The following TNXB variants were observed in gnomAD, a reference collection of about 807,000 sequenced individuals.
TNXB encodes the protein tenascin XB.
TNXB carries 183 observed loss-of-function variants against 340.5 expected under a neutral mutation model. That is an observed-to-expected ratio of 0.54 (90% CI 0.48 to 0.61). TNXB has a LOEUF of 0.61. Ranked by LOEUF, TNXB falls within the 20% of genes least tolerant of loss-of-function variation. TNXB has a pLI of 0.00. For missense variants in TNXB, 4,613 were observed against 5,446.4 expected (o/e 0.85, Z 4.82); for synonymous variants, 2,121 against 2,314.5 (o/e 0.92, Z 2.40).
intron 25 of TNXB, 22 bp downstream of exon 25, chr6:32,053,365 TG>T (rs1309388340): frequency 6.2e-7 from 1 of 1,606,912 alleles, no homozygotes; most frequent in African/African-American, 1.3e-5. Flanking sequence ...GGCCCCACTC[TG>T]GGGCTCCCAT....
chr6:32,076,131 C>G (rs775500470), intron 11 of TNXB, among the ~76,000 whole-genome samples: 9 of 152,182 alleles, frequency 5.9e-5, no homozygotes, highest in Non-Finnish European at 1.3e-4. Flanking sequence ...CCTGCAGCAC[C>G]CATTCCCTGC....
rs1427828075 is a variant in TNXB at position 32,081,755 on chromosome 6, T to C, written c.3737-82A>G. On this transcript the variant is annotated intron_variant, in intron 9 of 43. Transcript: ENST00000644971. This position sits in a 1 kb window ranked among gnomAD's most constrained non-coding sequence, Gnocchi z 5.1. Reference sequence around the variant, plus strand: ...GGGTTTCGACGGGATGTCACACCTATGGGGGGTGGGGGGTCACTAGTCCAT... The same window carrying C: ...GGGTTTCGACGGGATGTCACACCTACGGGGGGTGGGGGGTCACTAGTCCAT... The C allele has an allele frequency of 1.4e-5, 6 of 443,144 alleles. No individual in the cohort carries two copies. The highest frequency in any genetic ancestry group is 2.4e-5 in the African/African-American group (1 of 41,224). The allele number at this position is 443,144 out of a possible 1,614,324, so 27.5% of individuals were successfully genotyped here.
In TNXB at chr6:32,080,127, G is replaced by A. The variant is rs532311900; in HGVS notation, c.4043-762C>T. 4.6e-5 allele frequency among the ~76,000 whole-genome samples: 7 copies of A among 152,338 alleles called. No individual in the cohort carries two copies. The highest frequency in any genetic ancestry group is 1.7e-4 in the African/African-American group (7 of 41,582). On this transcript the variant is annotated intron_variant, in intron 10 of 43. Coordinates refer to ENST00000644971, the MANE Select transcript of TNXB (RefSeq NM_001365276.2). The surrounding 1 kb of genome is among the most constrained non-coding windows in gnomAD (Gnocchi z 4.3). ...CAAAAAAGATTACTGGGAAGTGAGAGAGTCAGGGAGAAATTGCAGCTCACT... is the reference window on the plus strand; with the variant it reads ...CAAAAAAGATTACTGGGAAGTGAGAAAGTCAGGGAGAAATTGCAGCTCACT...
intron 22 of TNXB, among the ~76,000 whole-genome samples, chr6:32,057,395 C>T (rs1333766849): frequency 6.6e-6 from 1 of 152,186 alleles, no homozygotes; most frequent in African/African-American, 2.4e-5. Flanking sequence ...CCTCCAGTCC[C>T]CGATCCTAGT....
intron 13 of TNXB, among the ~76,000 whole-genome samples, chr6:32,071,354 A>G (rs1429008252): frequency 6.6e-6 from 1 of 152,098 alleles, no homozygotes; most frequent in African/African-American, 2.4e-5. Context: ...AAAGACTCTC[A>G]GGAGGTGATG....
chr6:32,043,466 G>A lies in TNXB; in HGVS notation c.11621C>T (p.Thr3874Ile), dbSNP rs1213435499. Residue 3874 changes from threonine (T) to isoleucine (I), a missense_variant, in exon 36 of 44, where the codon ACC becomes ATC. This residue lies in a region of TNXB where 114 missense variants were observed against 104.5 expected (regional missense o/e 1.09). Transcript: ENST00000644971. Reference sequence around the variant, plus strand: ...AGGGGCTGTGACCTGGACGTCATAGGTGTCCACAGGATTCTGGGGGGGCTT... The same window carrying A: ...AGGGGCTGTGACCTGGACGTCATAGATGTCCACAGGATTCTGGGGGGGCTT... ...HWKPPQNPVD[T>I]YDVQVTAPGA... The A allele has an allele frequency of 3.4e-6, 2 of 594,650 alleles. No individual in the cohort carries two copies. The highest frequency in any genetic ancestry group is 2.9e-5 in the East Asian group (1 of 34,648). The allele number at this position is 594,650 out of a possible 1,614,324, so 36.8% of individuals were successfully genotyped here. A position where few individuals can be genotyped will look rare whatever the true frequency, so the allele number is the denominator to read the frequency against.
intron 40 of TNXB, 21 bp from the exon 41 acceptor site, chr6:32,042,383 C>T (rs764265109): frequency 6.3e-7 from 1 of 1,594,380 alleles, no homozygotes; most frequent in Admixed American, 1.7e-5. Flanking sequence ...AGTGGGGGCA[C>T]CATCAGCCTC....
chr6:32,093,049 T>C lies in TNXB; in HGVS notation c.2358+2027A>G, dbSNP rs556164520. 2.4e-4 allele frequency among the ~76,000 whole-genome samples: 37 copies of C among 152,364 alleles called. 1 individual carries two copies. In the South Asian group the frequency reaches 5.0e-3, roughly 20 times the overall value. ...GACAACACCAAGGATCGGTTTGTAT[T>C]TATTTACTCAGAGCAGGAGACAACT... On this transcript the variant is annotated intron_variant, in intron 4 of 43. Transcript: ENST00000644971.
chr6:32,046,312 G>A lies in TNXB; in HGVS notation c.10469C>T (p.Pro3490Leu), dbSNP rs1482339466. 3 of 1,606,548 alleles carry A rather than the reference G, an allele frequency of 1.9e-6. No homozygotes were observed. Among genetic ancestry groups the A allele is most frequent in the Non-Finnish European group, 2.5e-6 (3 of 1,178,136 alleles). ...VVQYRDTDGQ[P>L]RAVPVAADQR... The stretch of plus-strand genomic sequence containing the variant: ...GTCTGCGGCCACAGGCACTGCCCTG[G>A]GCTGCCCGTCCGTGTCCCTGTACTG... The change falls in exon 31 of 44, where the codon CCC becomes CTC. Residue 3490 changes from proline to leucine, a missense_variant. Pro to Leu is a moderately conservative substitution (Grantham distance 98, BLOSUM62 -3). Coordinates refer to ENST00000644971, the MANE Select transcript of TNXB (RefSeq NM_001365276.2). The surrounding 1 kb of genome is among the most constrained non-coding windows in gnomAD (Gnocchi z 6.9).
rs891264794 is a variant in TNXB at position 32,073,591 on chromosome 6, G to T, written c.4681+56C>A. On this transcript the variant is annotated intron_variant, in intron 12 of 43. Transcript: ENST00000644971. This position sits in a 1 kb window ranked among gnomAD's most constrained non-coding sequence, Gnocchi z 4.6. ...AAGGCAGGGCTGGAAGAAGGGCCAT[G>T]GGGTGGGGGAGCTCTGGGTAACCAG... 1.3e-6 allele frequency: 2 copies of T among 1,508,032 alleles called. No homozygotes were observed. The highest frequency in any genetic ancestry group is 1.8e-5 in the Admixed American group (1 of 55,424). The allele number at this position is 1,508,032 out of a possible 1,614,324, so 93.4% of individuals were successfully genotyped here. A position where few individuals can be genotyped will look rare whatever the true frequency, so the allele number is the denominator to read the frequency against.
Position 32,098,125 on chromosome 6 carries a change from G to A in TNXB, c.74C>T (p.Pro25Leu). 1 of 1,593,936 alleles carries A rather than the reference G, an allele frequency of 6.3e-7. No individual in the cohort carries two copies. The highest frequency in any genetic ancestry group is 1.1e-5 in the South Asian group (1 of 89,040). The change falls in exon 2 of 44, where the codon CCC (proline) becomes CTC (leucine). Residue 25 changes from proline to leucine, a missense_variant. Pro to Leu is a moderately conservative substitution (Grantham distance 98). Transcript: ENST00000644971. ...LVLLSTARAG[P>L]FSSRSNVTLP... ...TGTCACATTGGACCGTGAAGAGAAG[G>A]GGCCTGCTCTGGCTGTGCTCAGCAG...
At chr6:32,057,939 G>T in intron 22 of TNXB, 119 bp downstream of exon 22, 1 of 1,217,240 alleles carries the variant, frequency 8.2e-7, no homozygotes, top group Non-Finnish European at 1.1e-6. Context: ...TTTCCATAAT[G>T]TTGCTATATT....
intron 21 of TNXB, among the ~76,000 whole-genome samples, chr6:32,059,247 G>A (rs1562809823): frequency 6.6e-6 from 1 of 150,842 alleles, no homozygotes; most frequent in Non-Finnish European, 1.5e-5. Flanking sequence ...CATGAAACCC[G>A]GTCTCTACTG....
In TNXB at chr6:32,085,768, T is replaced by C. The variant is rs770609906; in HGVS notation, c.3130A>G (p.Ile1044Val). ...GATGTACCCATAATGCCTTGGTAGA[T>C]GATGGGGTCAGAGGGCTTGCCCCCA... The part of the protein sequence containing the change: ...PPGGKPSDPI[I>V]YQGIMDKDEE... Residue 1044 changes from isoleucine to valine, a missense_variant, in exon 7 of 44, where the codon ATC (isoleucine) becomes GTC (valine). Transcript: ENST00000644971. The surrounding 1 kb of genome is among the most constrained non-coding windows in gnomAD (Gnocchi z 6.4). 1.3e-6 allele frequency: 2 copies of C among 1,551,544 alleles called. No homozygotes were observed. The highest frequency in any genetic ancestry group is 1.7e-6 in the Non-Finnish European group (2 of 1,147,932).
Position 32,061,427 on chromosome 6 carries a change from C to T in TNXB, c.7462G>A (p.Val2488Met), listed in dbSNP as rs376140750. Residue 2488 changes from valine (V) to methionine (M), a missense_variant, in exon 21 of 44, where the codon GTG (valine) becomes ATG (methionine). Physicochemically the swap from Val to Met is conservative, Grantham distance 21. Coordinates refer to ENST00000644971, the MANE Select transcript of TNXB (RefSeq NM_001365276.2). The surrounding 1 kb of genome is among the most constrained non-coding windows in gnomAD (Gnocchi z 4.4). ...ACGCCCACGGTGGACACCGGGCCCA[C>T]GCGCCGCCCCTCGTGGAGGCCATAC... ...HLYGLHEGRR[V>M]GPVSTVGVTA... 19 of 1,612,654 alleles carry T rather than the reference C, an allele frequency of 1.2e-5. No homozygotes were observed. The highest frequency in any genetic ancestry group is 6.7e-5 in the African/African-American group (5 of 74,500).
chr6:32,048,338 C>G, intron 29 of TNXB, 25 bp downstream of exon 29: 1 of 1,472,748 alleles, frequency 6.8e-7, no homozygotes, highest in Non-Finnish European at 9.0e-7. Flanking sequence ...GCTCTGGCCG[C>G]GGGAGGCCTC....
At position 32,053,494 on chromosome 6, in the gene TNXB, G is replaced by A. The variant is rs536671154; in HGVS notation, c.8685C>T (p.Asp2895=). The A allele has an allele frequency of 4.3e-6, 7 of 1,613,464 alleles. No homozygotes were observed. In the South Asian group the frequency reaches 4.4e-5, roughly 10 times the overall value. The change falls in exon 25 of 44, where the codon GAC becomes GAT. Residue 2895 remains aspartate, a synonymous_variant. Transcript: ENST00000644971. ...GCTCCAGGCCTGAGATGGTGACCCC[G>A]TCCTCGTGCCCCGGCACCCGCACCA... ...PKVVRVPGHE[D]GVTISGLEPD...
At position 32,072,150 on chromosome 6, in the gene TNXB, C is replaced by A; in HGVS notation, c.4830G>T (p.Gln1610His). ...GGGGCTGCCCGTCCCTGTCCTTGTA[C>A]TGAACCACAAAGGAGTCGAATTCAC... ...PEGEFDSFVV[Q>H]YKDRDGQPQV... The change falls in exon 13 of 44, where the codon CAG (glutamine) becomes CAT (histidine). Residue 1610 changes from glutamine (Q) to histidine (H), a missense_variant. Physicochemically the swap from Gln to His is conservative, Grantham distance 24 (BLOSUM62 0). Around this residue, in one of 7 missense-constraint regions of TNXB, gnomAD observed 4,327 missense variants for 4,859.4 expected, o/e 0.89. Coordinates refer to ENST00000644971, the MANE Select transcript of TNXB (RefSeq NM_001365276.2). This position sits in a 1 kb window ranked among gnomAD's most constrained non-coding sequence, Gnocchi z 4.4. 1 of 1,613,618 alleles carries A rather than the reference C, an allele frequency of 6.2e-7. No homozygotes were observed. Among genetic ancestry groups the A allele is most frequent in the South Asian group, 1.1e-5 (1 of 91,018 alleles).
rs1778605105 is a variant in TNXB at position 32,069,235 on chromosome 6, A to G, written c.5588-99T>C. On this transcript the variant is annotated intron_variant, in intron 15 of 43. Coordinates refer to ENST00000644971, the MANE Select transcript of TNXB (RefSeq NM_001365276.2). The surrounding 1 kb of genome is among the most constrained non-coding windows in gnomAD (Gnocchi z 6.2). ...GGAGAGGGAGTGAGGGCAAGCAGTCAGCAATCGAAAGACCAGCTTTTGCTG... is the reference window on the plus strand; with the variant it reads ...GGAGAGGGAGTGAGGGCAAGCAGTCGGCAATCGAAAGACCAGCTTTTGCTG... 8.3e-6 allele frequency: 10 copies of G among 1,208,748 alleles called. No homozygotes were observed. The highest frequency in any genetic ancestry group is 1.1e-5 in the Non-Finnish European group (10 of 883,072). The allele number at this position is 1,208,748 out of a possible 1,614,324, so 74.9% of individuals were successfully genotyped here. A position where few individuals can be genotyped will look rare whatever the true frequency, so the allele number is the denominator to read the frequency against.
Sources: gnomAD v4.1 joint callset for allele counts (sites outside exome capture counted in the v4.1 genomes callset) on GRCh38, gnomAD v4.1.1 for gene constraint, gnomAD v4.1.1 regional missense constraint, Gnocchi (gnomAD v3.1) non-coding constraint, MANE v1.5 for transcripts, NCBI Gene and HGNC (gene_info 2026-07-23, HGNC 2026-07-21) for gene names.